ATRNL1: variants seen among roughly 807,000 people sequenced by gnomAD.
The protein encoded by ATRNL1 is attractin like 1, also known as attractin-like protein 1.
In ATRNL1, 95 loss-of-function variants were observed where a neutral mutation model predicts 182.7. The observed-to-expected ratio is 0.52, with a 90% CI of 0.44 to 0.62. The LOEUF is 0.62. ATRNL1 is among the 20% of genes least tolerant of loss of function. ATRNL1 has a pLI of 0.00. For missense variants in ATRNL1, 1,471 were observed against 1,679.5 expected, an observed-to-expected ratio of 0.88 and a Z score of 2.17; for synonymous variants, 576 against 568.3, an observed-to-expected ratio of 1.01 and a Z score of -0.19.
At chr10:115,216,964 A>G (rs1455027785) in intron 9 of ATRNL1, among the ~76,000 whole-genome samples, 1 of 151,990 alleles carries the variant, frequency 6.6e-6, no homozygotes, top group Non-Finnish European at 1.5e-5. Context: ...CATAAATAGC[A>G]TCTTCTGTAC....
intron 9 of ATRNL1, among the ~76,000 whole-genome samples, chr10:115,219,576 C>A (rs1554896947): frequency 6.6e-6 from 1 of 152,192 alleles, no homozygotes; most frequent in Non-Finnish European, 1.5e-5. Flanking sequence ...GATTTGAATA[C>A]TTCTGCAGCT....
intron 25 of ATRNL1, among the ~76,000 whole-genome samples, chr10:115,527,214 G>C (rs1263561615): frequency 2.0e-5 from 3 of 150,938 alleles, no homozygotes; most frequent in African/African-American, 7.3e-5. Context: ...TGCCTCCCAG[G>C]CTCAAGCGAT....
At chr10:115,820,818 T>C (rs1555090053) in intron 27 of ATRNL1, among the ~76,000 whole-genome samples, 1 of 152,088 alleles carries the variant, frequency 6.6e-6, no homozygotes, top group Admixed American at 6.6e-5. Flanking sequence ...TTATAATGGG[T>C]AGATGATATG....
At chr10:115,546,178 TCA>T in intron 25 of ATRNL1, among the ~76,000 whole-genome samples, 1 of 152,270 alleles carries the variant, frequency 6.6e-6, no homozygotes, top group Non-Finnish European at 1.5e-5. Context: ...AATATTTGTA[TCA>T]CAGTTCTTAA....
At chr10:115,251,856 G>T (rs1480918083) in intron 10 of ATRNL1, among the ~76,000 whole-genome samples, 3 of 152,080 alleles carry the variant, frequency 2.0e-5, no homozygotes, top group African/African-American at 7.2e-5. Context: ...TGGCATCCTT[G>T]TCAGAAAGGA....
At position 115,773,745 on chromosome 10, in the gene ATRNL1, T is replaced by TA. The variant is rs200629911; in HGVS notation, c.3903+46392dup. Among the ~76,000 whole-genome samples, 1,108 of 152,288 alleles carry TA rather than the reference T, an allele frequency of 7.3e-3. 16 individuals carry two copies. Among genetic ancestry groups the TA allele is most frequent in the African/African-American group, 0.025 (1,057 of 41,558 alleles). ...GAACTGTGTGAATTCCAAACTTAGTTAATGAAAGTGTTTCGTTACAGATTA... is the reference window on the plus strand; with the variant it reads ...GAACTGTGTGAATTCCAAACTTAGTTAAATGAAAGTGTTTCGTTACAGATTA... On this transcript the variant is annotated intron_variant, in intron 27 of 28. Transcript: ENST00000355044.
intron 15 of ATRNL1, among the ~76,000 whole-genome samples, chr10:115,295,461 A>C (rs1592396749): frequency 6.6e-6 from 1 of 151,986 alleles, no homozygotes; most frequent in Non-Finnish European, 1.5e-5. Context: ...TATTGCCTGG[A>C]GGCATGCCCA....
chr10:115,300,653 A>G (rs1554924198), intron 16 of ATRNL1, among the ~76,000 whole-genome samples: 1 of 152,150 alleles, frequency 6.6e-6, no homozygotes, highest in East Asian at 1.9e-4. Flanking sequence ...ACATCTTCTG[A>G]AATGGATTTT....
At chr10:115,854,418 C>G (rs1281160252) in intron 28 of ATRNL1, among the ~76,000 whole-genome samples, 1 of 152,174 alleles carries the variant, frequency 6.6e-6, no homozygotes, top group Non-Finnish European at 1.5e-5. Context: ...TAGAGCACCT[C>G]CTTTCTGTGC....
rs560059508 is a variant in ATRNL1, at chr10:115,132,992, A to G, written c.829+3457A>G. Among the ~76,000 whole-genome samples, 31 of 152,336 alleles carry G rather than the reference A, an allele frequency of 2.0e-4. No homozygotes were observed. The South Asian group carries it at 6.2e-3, about 31-fold the overall frequency. On this transcript the variant is annotated intron_variant, in intron 5 of 28. Coordinates refer to ENST00000355044, the MANE Select transcript of ATRNL1 (RefSeq NM_207303.4). ...TGCCATTGCTTTTGGTGTTTTAGAC[A>G]TGAAGTCCTTGCCCATGCCTATGTC...
At chr10:115,382,299 T>C (rs1858060388) in intron 19 of ATRNL1, among the ~76,000 whole-genome samples, 2 of 152,174 alleles carry the variant, frequency 1.3e-5, no homozygotes, top group South Asian at 2.1e-4. Context: ...ATCTTACCAA[T>C]ATTAATTCTT....
At chr10:115,131,465 A>T (rs1225725583) in intron 5 of ATRNL1, among the ~76,000 whole-genome samples, 1 of 152,160 alleles carries the variant, frequency 6.6e-6, no homozygotes, top group Non-Finnish European at 1.5e-5. Context: ...TTGTGCCTCA[A>T]ACTGATCCTG....
intron 15 of ATRNL1, among the ~76,000 whole-genome samples, chr10:115,295,297 G>A (rs1470522574): frequency 6.6e-6 from 1 of 152,120 alleles, no homozygotes; most frequent in Non-Finnish European, 1.5e-5. Context: ...TGCTCGGCTG[G>A]CTTGGGGGAA....
At chr10:115,779,942 A>G (rs1949221551) in intron 27 of ATRNL1, among the ~76,000 whole-genome samples, 1 of 152,228 alleles carries the variant, frequency 6.6e-6, no homozygotes, top group South Asian at 2.1e-4. Flanking sequence ...TACTGCAGGA[A>G]CACCAAATTT....
chr10:115,533,325 T>C (rs1851722146), intron 25 of ATRNL1, among the ~76,000 whole-genome samples: 1 of 152,136 alleles, frequency 6.6e-6, no homozygotes, highest in African/African-American at 2.4e-5. Context: ...CTTGGTTTAG[T>C]CTTGGGAGAG....
chr10:115,543,995 G>A (rs1482792234), intron 25 of ATRNL1, among the ~76,000 whole-genome samples: 2 of 151,926 alleles, frequency 1.3e-5, no homozygotes, highest in Admixed American at 6.6e-5. Flanking sequence ...TTATCGTACA[G>A]CATATTTTTT....
At chr10:115,153,932 A>G (rs1554881406) in intron 5 of ATRNL1, among the ~76,000 whole-genome samples, 1 of 151,800 alleles carries the variant, frequency 6.6e-6, no homozygotes, top group African/African-American at 2.4e-5. Flanking sequence ...ATTGGTTTCA[A>G]GAACATCTTT....
rs577225493 is a variant in ATRNL1 at position 115,485,992 on chromosome 10, G to A, written c.3654+16663G>A. On this transcript the variant is annotated intron_variant, in intron 24 of 28. Transcript: ENST00000355044. ...CTCCCACTTATGAGTGAGAACATGC[G>A]GTGCTTGGTTTTCTGTTCTTGTGTT... Among the ~76,000 whole-genome samples, 196 of 149,822 alleles carry A rather than the reference G, an allele frequency of 1.3e-3. 1 individual carries two copies. The South Asian group carries it at 0.037, about 28-fold the overall frequency.
chr10:115,148,792 C>T (rs1275562535), intron 5 of ATRNL1, among the ~76,000 whole-genome samples: 3 of 149,128 alleles, frequency 2.0e-5, no homozygotes, highest in African/African-American at 7.4e-5. Context: ...CTCTGTCGCC[C>T]AGGCTGGAAT....
Sources: allele counts gnomAD v4.1 joint callset (sites outside exome capture counted in the v4.1 genomes callset), GRCh38; gene constraint gnomAD v4.1.1; transcripts MANE v1.5; gene names NCBI Gene and HGNC (gene_info 2026-07-23, HGNC 2026-07-21).